SRGAP2C: variants seen among roughly 807,000 people sequenced by gnomAD.
The protein encoded by SRGAP2C is SLIT-ROBO Rho GTPase-activating protein 2C.
In SRGAP2C, 15 loss-of-function variants were observed where a neutral mutation model predicts 25.1. The ratio of observed to expected loss-of-function variants is 0.60; its 90% CI spans 0.40 to 0.92. The LOEUF is 0.92. Among genes scored for constraint, SRGAP2C ranks in the 40% least tolerant of loss-of-function variants. SRGAP2C has a pLI of 0.00. For synonymous variants in SRGAP2C, 44 were observed against 96.6 expected (o/e 0.46, Z 3.19); for missense variants, 144 against 264.4 (o/e 0.54, Z 3.16).
chr1:121,314,738 G>T (rs1252243941), intron 3 of SRGAP2C, among the ~76,000 whole-genome samples: 3 of 151,520 alleles, frequency 2.0e-5, no homozygotes, highest in South Asian at 2.1e-4. Context: ...TAGGCTGCTC[G>T]GGGGTCAGGG....
rs587604799 is a variant in SRGAP2C, at chr1:121,391,130, G to A, written c.*3275G>A. On this transcript the variant is annotated 3_prime_UTR_variant, in exon 10 of 10. Coordinates refer to ENST00000367123, the MANE Select transcript of SRGAP2C (RefSeq NM_001329984.2). ...TCCCAGCACTTTGGGAGGCCGAGGC[G>A]GGTGGATCACCTGAGGTCGGGAGTT... 3.3e-5 allele frequency: 5 copies of A among 151,928 alleles called. No individual in the cohort carries two copies. The highest frequency in any genetic ancestry group is 2.1e-4 in the South Asian group (1 of 4,814). 9.4% of individuals were successfully genotyped at this position (151,928 alleles called of 1,614,324 possible).
intron 2 of SRGAP2C, among the ~76,000 whole-genome samples, chr1:121,256,979 TGTG>T (rs1189338345): frequency 1.3e-4 from 1 of 8,000 alleles, no homozygotes; most frequent in Non-Finnish European, 2.4e-4. Context: ...TCATCTGTAG[TGTG>T]GTGACCACAG....
intron 4 of SRGAP2C, among the ~76,000 whole-genome samples, chr1:121,329,859 A>G (rs1658396418): frequency 1.3e-5 from 2 of 152,152 alleles, no homozygotes; most frequent in Non-Finnish European, 2.9e-5. Flanking sequence ...TGTCTAGGAC[A>G]AGAGGGAAAA....
At chr1:121,266,552 G>A (rs1466402730) in intron 2 of SRGAP2C, among the ~76,000 whole-genome samples, 1 of 148,934 alleles carries the variant, frequency 6.7e-6, no homozygotes, top group Non-Finnish European at 1.5e-5. Context: ...AAACGAAGGA[G>A]TTGCCATGAT....
rs1282516410 is a variant in SRGAP2C at position 121,299,505 on chromosome 1, C to T, written c.260+14510C>T. The stretch of plus-strand genomic sequence containing the variant: ...GGGAGAATCAATGAGCACAGTTCTG[C>T]GTCTTAATATATTTAGGGTGCAGCT... On this transcript the variant is annotated intron_variant, in intron 3 of 9. Coordinates refer to ENST00000367123, the MANE Select transcript of SRGAP2C (RefSeq NM_001329984.2). Among the ~76,000 whole-genome samples, 4 of 80,390 alleles carry T rather than the reference C, an allele frequency of 5.0e-5. 2 individuals carry two copies. Among genetic ancestry groups the T allele is most frequent in the Non-Finnish European group, 9.6e-5 (4 of 41,560 alleles). 52.7% of individuals were successfully genotyped at this position (80,390 alleles called of 152,430 possible). A position where few individuals can be genotyped will look rare whatever the true frequency, so the allele number is the denominator to read the frequency against.
At chr1:121,281,265 T>G (rs1334613807) in intron 2 of SRGAP2C, among the ~76,000 whole-genome samples, 2 of 151,604 alleles carry the variant, frequency 1.3e-5, no homozygotes. Context: ...CCTTAATGCC[T>G]GTATGGATGC....
chr1:121,238,792 T>A (rs1346793918), intron 2 of SRGAP2C, among the ~76,000 whole-genome samples: 4 of 145,520 alleles, frequency 2.7e-5, no homozygotes, highest in Non-Finnish European at 6.0e-5. Flanking sequence ...TTTTTTTTTT[T>A]TTTTTTGAGA....
In SRGAP2C at chr1:121,299,559, T is replaced by C; in HGVS notation, c.260+14564T>C. 2.6e-5 allele frequency among the ~76,000 whole-genome samples: 2 copies of C among 77,968 alleles called. 1 individual carries two copies. Among genetic ancestry groups the C allele is most frequent in the Middle Eastern group, 9.8e-3 (2 of 204 alleles). The allele number at this position is 77,968 out of a possible 152,430, so 51.2% of individuals were successfully genotyped here. On this transcript the variant is annotated intron_variant, in intron 3 of 9. Transcript: ENST00000367123. ...TAAAGAGCCAGGATTAGAAAATGAATCGGAACAAACTAGGATTATCTTCAA... is the reference window on the plus strand; with the variant it reads ...TAAAGAGCCAGGATTAGAAAATGAACCGGAACAAACTAGGATTATCTTCAA...
chr1:121,305,078 A>T (rs1657798344), intron 3 of SRGAP2C, among the ~76,000 whole-genome samples: 1 of 148,408 alleles, frequency 6.7e-6, no homozygotes, highest in African/African-American at 2.5e-5. Context: ...CTTCTGGGCC[A>T]GCCCTGTCTC....
In SRGAP2C at chr1:121,384,823, C is replaced by T. The variant is rs1419129405; in HGVS notation, c.1057-1683C>T. 2.0e-5 allele frequency among the ~76,000 whole-genome samples: 3 copies of T among 152,132 alleles called. No homozygotes were observed. The East Asian group carries it at 5.8e-4, about 29-fold the overall frequency. ...CCCTGGTAGCGGACCACTGTCAAAG[C>T]ATACATCATCATCAGCTCTGCTACT... On this transcript the variant is annotated intron_variant, in intron 8 of 9. Coordinates refer to ENST00000367123, the MANE Select transcript of SRGAP2C (RefSeq NM_001329984.2).
At chr1:121,211,416 TAC>T (rs200891136) in intron 2 of SRGAP2C, among the ~76,000 whole-genome samples, 8,243 of 130,044 alleles carry the variant, frequency 0.063, 131 homozygotes, top group African/African-American at 0.13. Flanking sequence ...TATATACACA[TAC>T]ACACACACAC....
chr1:121,335,423 G>A (rs1658493071), intron 4 of SRGAP2C, among the ~76,000 whole-genome samples: 1 of 142,666 alleles, frequency 7.0e-6, no homozygotes, highest in African/African-American at 2.6e-5. Context: ...CACCTAAGAT[G>A]CTATAAATGC....
intron 5 of SRGAP2C, among the ~76,000 whole-genome samples, chr1:121,366,773 C>T (rs1222775234): frequency 4.6e-5 from 7 of 151,656 alleles, no homozygotes; most frequent in Admixed American, 6.6e-5. Flanking sequence ...TTCCTGTAAG[C>T]ATCTTGACCC....
At chr1:121,377,029 CAT>C (rs1462877379) in intron 7 of SRGAP2C, among the ~76,000 whole-genome samples, 1 of 150,834 alleles carries the variant, frequency 6.6e-6, no homozygotes, top group East Asian at 2.0e-4. Flanking sequence ...CTTTGCAATC[CAT>C]AGATTCTCCA....
intron 2 of SRGAP2C, among the ~76,000 whole-genome samples, chr1:121,270,851 G>A (rs1429651252): frequency 6.7e-6 from 1 of 149,192 alleles, no homozygotes; most frequent in African/African-American, 2.5e-5. Flanking sequence ...GGAGTGCAGT[G>A]GTGCCATCTC....
chr1:121,392,312 TTCTTCC>T lies in SRGAP2C; in HGVS notation c.*4465_*4470del, dbSNP rs1660119522. 6.6e-6 allele frequency: 1 copy of T among 152,196 alleles called. No homozygotes were observed. The highest frequency in any genetic ancestry group is 2.4e-5 in the African/African-American group (1 of 41,456). The allele number at this position is 152,196 out of a possible 1,614,324, so 9.4% of individuals were successfully genotyped here. A position where few individuals can be genotyped will look rare whatever the true frequency, so the allele number is the denominator to read the frequency against. ...TCCTTCCCCCTCCTCCTTTTTACTT[TTCTTCC>T]TCTTCCTTTCTCTTCTTCTTTCTCG... On this transcript the variant is annotated 3_prime_UTR_variant, in exon 10 of 10. Coordinates refer to ENST00000367123, the MANE Select transcript of SRGAP2C (RefSeq NM_001329984.2).
intron 4 of SRGAP2C, among the ~76,000 whole-genome samples, chr1:121,335,366 A>ATAAC (rs1658489635): frequency 7.1e-6 from 1 of 141,720 alleles, no homozygotes; most frequent in African/African-American, 2.7e-5. Context: ...AAATAAATAA[A>ATAAC]TAAATAAATA....
In SRGAP2C at chr1:121,324,612, G is replaced by T; in HGVS notation, c.395G>T (p.Ser132Ile). The stretch of plus-strand genomic sequence containing the variant: ...ATCATTCCTCGATTTGTACAAGTCA[G>T]CGAGGACTCAGGAAGACTCTTTAAA... ...NNIIPRFVQVSEDSGRLFKKS... is the reference protein window; with the variant it reads ...NNIIPRFVQVIEDSGRLFKKS... The change falls in exon 4 of 10, where the codon AGC becomes ATC. Residue 132 changes from serine (S) to isoleucine (I), a missense_variant. By Grantham distance (142) the Ser-to-Ile change is moderately radical. This residue lies in a region of SRGAP2C where 26 missense variants were observed against 67.3 expected (regional missense o/e 0.39). Coordinates refer to ENST00000367123, the MANE Select transcript of SRGAP2C (RefSeq NM_001329984.2). 1 of 1,348,006 alleles carries T rather than the reference G, an allele frequency of 7.4e-7. No individual in the cohort carries two copies. The highest frequency in any genetic ancestry group is 2.3e-5 in the East Asian group (1 of 43,500). The allele number at this position is 1,348,006 out of a possible 1,614,324, so 83.5% of individuals were successfully genotyped here.
At chr1:121,255,067 C>G (rs1348497982) in intron 2 of SRGAP2C, among the ~76,000 whole-genome samples, 1 of 151,502 alleles carries the variant, frequency 6.6e-6, no homozygotes, top group African/African-American at 2.4e-5. Flanking sequence ...CCTGAAGGGG[C>G]TCCCTGGACT....
Sources: gnomAD v4.1 joint callset for allele counts (sites outside exome capture counted in the v4.1 genomes callset) on GRCh38, gnomAD v4.1.1 for gene constraint, gnomAD v4.1.1 regional missense constraint, MANE v1.5 for transcripts, NCBI Gene and HGNC (gene_info 2026-07-23, HGNC 2026-07-21) for gene names.